Variants in L3MBTL4 observed in about 807,000 individuals in gnomAD.
L3MBTL4 encodes the protein L3MBTL histone methyl-lysine binding protein 4.
In L3MBTL4, 70 loss-of-function variants were observed where a neutral mutation model predicts 84.5. That is an observed-to-expected ratio of 0.83 (90% CI 0.68 to 1.01). The LOEUF (loss-of-function observed/expected upper bound fraction) is 1.01. Ranked by LOEUF, L3MBTL4 falls within the 50% of genes least tolerant of loss-of-function variation. L3MBTL4 has a pLI of 0.00. For synonymous variants in L3MBTL4, 274 were observed against 259.8 expected (o/e 1.05, Z -0.52); for missense variants, 715 against 754.8 (o/e 0.95, Z 0.62).
chr18:6,233,333 G>T (rs928512970), intron 10 of L3MBTL4, among the ~76,000 whole-genome samples: 1 of 149,786 alleles, frequency 6.7e-6, no homozygotes, highest in African/African-American at 2.6e-5. Flanking sequence ...AATCAGGCAG[G>T]AGAAAGAAAT....
intron 5 of L3MBTL4, among the ~76,000 whole-genome samples, chr18:6,261,560 C>G (rs1440682718): frequency 2.0e-5 from 3 of 152,308 alleles, no homozygotes; most frequent in Non-Finnish European, 4.4e-5. Flanking sequence ...TACTGCCTTC[C>G]AGCACCTCTT....
chr18:5,969,622 C>T, intron 16 of L3MBTL4, 60 bp from the exon 17 acceptor site: 1 of 1,522,784 alleles, frequency 6.6e-7, no homozygotes, highest in Non-Finnish European at 8.9e-7. Context: ...ACTGCTGTGT[C>T]AGCCCCGCAG....
At chr18:6,322,477 G>GGAAGGAA (rs1459221701) in intron 1 of L3MBTL4, among the ~76,000 whole-genome samples, 27 of 143,978 alleles carry the variant, frequency 1.9e-4, no homozygotes, top group Non-Finnish European at 2.7e-4. Context: ...AAGGAAGGAA[G>GGAAGGAA]GAAGGAAGGA....
intron 16 of L3MBTL4, among the ~76,000 whole-genome samples, chr18:6,058,831 A>G (rs1459575304): frequency 3.3e-5 from 5 of 152,246 alleles, no homozygotes; most frequent in Non-Finnish European, 7.3e-5. Flanking sequence ...TACCGGGAAT[A>G]AGGTGAAGTT....
chr18:6,358,512 G>T (rs1044031722), intron 1 of L3MBTL4, among the ~76,000 whole-genome samples: 2 of 152,156 alleles, frequency 1.3e-5, no homozygotes, highest in African/African-American at 4.8e-5. Context: ...TGCAGTTTTA[G>T]AACAGAGCAT....
At chr18:6,130,306 G>T (rs1029382911) in intron 14 of L3MBTL4, among the ~76,000 whole-genome samples, 1 of 151,312 alleles carries the variant, frequency 6.6e-6, no homozygotes. Flanking sequence ...GTGAAAAGAA[G>T]AAAACATCTA....
intron 1 of L3MBTL4, among the ~76,000 whole-genome samples, chr18:6,374,673 C>G (rs1364846332): frequency 6.6e-6 from 1 of 152,122 alleles, no homozygotes; most frequent in Non-Finnish European, 1.5e-5. Context: ...AGTGGTACTT[C>G]CTGCCCTTCC....
intron 1 of L3MBTL4, among the ~76,000 whole-genome samples, chr18:6,391,419 G>A (rs2055045253): frequency 6.6e-6 from 1 of 151,974 alleles, no homozygotes; most frequent in Non-Finnish European, 1.5e-5. Flanking sequence ...CATGAGACCA[G>A]AACAAGACAA....
intron 1 of L3MBTL4, among the ~76,000 whole-genome samples, chr18:6,368,397 C>T (rs2054019169): frequency 6.6e-6 from 1 of 152,166 alleles, no homozygotes; most frequent in Non-Finnish European, 1.5e-5. Context: ...AACTTGACTA[C>T]CCATTGGATT....
At chr18:6,154,133 G>T (rs920645596) in intron 13 of L3MBTL4, among the ~76,000 whole-genome samples, 1 of 152,072 alleles carries the variant, frequency 6.6e-6, no homozygotes, top group Admixed American at 6.6e-5. Context: ...CCCGTGTCTT[G>T]TTTCTGATTT....
At chr18:6,039,452 A>C (rs567496159) in intron 16 of L3MBTL4, among the ~76,000 whole-genome samples, 1 of 152,218 alleles carries the variant, frequency 6.6e-6, no homozygotes, top group Non-Finnish European at 1.5e-5. Context: ...TGTGCTAAAG[A>C]AAAGAGCCTT....
intron 12 of L3MBTL4, among the ~76,000 whole-genome samples, chr18:6,190,455 G>C (rs1363017711): frequency 6.6e-6 from 1 of 152,110 alleles, no homozygotes; most frequent in African/African-American, 2.4e-5. Flanking sequence ...AAAACAACAG[G>C]AATGGGTCTG....
At chr18:6,043,949 C>T (rs1203487076) in intron 16 of L3MBTL4, among the ~76,000 whole-genome samples, 1 of 152,218 alleles carries the variant, frequency 6.6e-6, no homozygotes, top group Non-Finnish European at 1.5e-5. Context: ...CCTTTGACCT[C>T]ACTACAGTTT....
chr18:6,129,606 C>G (rs1240997119), intron 14 of L3MBTL4, among the ~76,000 whole-genome samples: 1 of 152,082 alleles, frequency 6.6e-6, no homozygotes, highest in Non-Finnish European at 1.5e-5. Context: ...TCTCATTATA[C>G]TAAGTCTAGA....
intron 5 of L3MBTL4, among the ~76,000 whole-genome samples, chr18:6,262,776 A>C (rs1236650205): frequency 6.6e-6 from 1 of 152,068 alleles, no homozygotes; most frequent in African/African-American, 2.4e-5. Context: ...CTAGACAACA[A>C]AAGGACATGC....
At chr18:6,350,071 TGG>T in intron 1 of L3MBTL4, among the ~76,000 whole-genome samples, 1 of 152,348 alleles carries the variant, frequency 6.6e-6, no homozygotes, top group Middle Eastern at 3.4e-3. Context: ...ATAATGGAGC[TGG>T]TCCTTTACCT....
intron 1 of L3MBTL4, among the ~76,000 whole-genome samples, chr18:6,373,786 A>T (rs2054256993): frequency 6.6e-6 from 1 of 152,150 alleles, no homozygotes; most frequent in Non-Finnish European, 1.5e-5. Context: ...GATAAAAAAA[A>T]AAAACCCACT....
chr18:6,147,082 T>C (rs2042687544), intron 13 of L3MBTL4, among the ~76,000 whole-genome samples: 1 of 151,370 alleles, frequency 6.6e-6, no homozygotes, highest in Non-Finnish European at 1.5e-5. Flanking sequence ...TAAAGCAAAC[T>C]GTTCAATTAT....
At chr18:6,338,631 A>T (rs2052456726) in intron 1 of L3MBTL4, among the ~76,000 whole-genome samples, 1 of 151,990 alleles carries the variant, frequency 6.6e-6, no homozygotes, top group Non-Finnish European at 1.5e-5. Flanking sequence ...TTGGTGACAA[A>T]TATGAACAAA....
Sources: allele counts gnomAD v4.1 joint callset (sites outside exome capture counted in the v4.1 genomes callset), GRCh38; gene constraint gnomAD v4.1.1; transcripts MANE v1.5; gene names NCBI Gene and HGNC (gene_info 2026-07-23, HGNC 2026-07-21).